Variants in ACBD6 observed in about 807,000 individuals in gnomAD.
ACBD6 encodes acyl-CoA binding domain containing 6, also known as acyl-CoA-binding domain-containing protein 6.
A neutral mutation model predicts 37.2 loss-of-function variants in ACBD6; 28 were observed. The observed-to-expected ratio is 0.75, with a 90% CI of 0.56 to 1.03. The LOEUF is 1.03. ACBD6 is among the 50% of genes least tolerant of loss of function. The probability of loss-of-function intolerance (pLI) is 0.00; values close to 1 mark genes in which losing one functional copy is unlikely to be tolerated. For synonymous variants in ACBD6, 113 were observed against 126.8 expected, an observed-to-expected ratio of 0.89 and a Z score of 0.73; for missense variants, 340 against 337.4, an observed-to-expected ratio of 1.01 and a Z score of -0.06.
At chr1:180,468,177 T>C (rs1650422470) in intron 3 of ACBD6, among the ~76,000 whole-genome samples, 2 of 152,216 alleles carry the variant, frequency 1.3e-5, no homozygotes, top group African/African-American at 4.8e-5. Context: ...AGGAATCATC[T>C]GCCAGTCTTT....
At chr1:180,470,855 A>G (rs1052350208) in intron 3 of ACBD6, among the ~76,000 whole-genome samples, 3 of 152,238 alleles carry the variant, frequency 2.0e-5, no homozygotes, top group Non-Finnish European at 4.4e-5. Context: ...GATTTTTTAA[A>G]GCACATAATT....
At chr1:180,397,265 T>C (rs1488064328) in intron 6 of ACBD6, among the ~76,000 whole-genome samples, 1 of 152,160 alleles carries the variant, frequency 6.6e-6, no homozygotes, top group African/African-American at 2.4e-5. Flanking sequence ...AGCAGATTAG[T>C]GGTTGCCAAG....
intron 4 of ACBD6, among the ~76,000 whole-genome samples, chr1:180,420,432 T>C (rs1648309002): frequency 6.6e-6 from 1 of 152,212 alleles, no homozygotes; most frequent in Admixed American, 6.5e-5. Context: ...ACCTTCATAA[T>C]GTTCTATCAG....
chr1:180,493,281 A>AAAAC (rs1557893866), intron 2 of ACBD6, among the ~76,000 whole-genome samples: 1 of 145,824 alleles, frequency 6.9e-6, no homozygotes, highest in East Asian at 2.1e-4. Context: ...AAAAAAAACA[A>AAAAC]CAACAGCAAC....
intron 6 of ACBD6, among the ~76,000 whole-genome samples, chr1:180,372,691 C>G (rs1383016576): frequency 2.6e-5 from 4 of 152,112 alleles, no homozygotes. Flanking sequence ...CATTTGATAA[C>G]AAGTAGAAGT....
At chr1:180,295,273 T>A (rs1649873600) in intron 7 of ACBD6, among the ~76,000 whole-genome samples, 1 of 22,702 alleles carries the variant, frequency 4.4e-5, no homozygotes, top group Non-Finnish European at 7.6e-4. Context: ...ATCCTGCAAT[T>A]TTTTTTTTTT....
chr1:180,395,306 T>C (rs559875654), intron 6 of ACBD6, among the ~76,000 whole-genome samples: 75 of 152,238 alleles, frequency 4.9e-4, no homozygotes, highest in Middle Eastern at 3.4e-3. Flanking sequence ...AGAAGAGATA[T>C]GTGTGTCTGG....
intron 3 of ACBD6, among the ~76,000 whole-genome samples, chr1:180,483,458 G>A (rs979341889): frequency 4.6e-5 from 7 of 151,840 alleles, no homozygotes; most frequent in African/African-American, 9.7e-5. Context: ...ATCTCTGTCC[G>A]ACTGTAAGCT....
At chr1:180,455,156 G>A (rs1452447898) in intron 3 of ACBD6, among the ~76,000 whole-genome samples, 1 of 152,190 alleles carries the variant, frequency 6.6e-6, no homozygotes, top group African/African-American at 2.4e-5. Context: ...TTAAGAAAAT[G>A]TGGCACATAT....
chr1:180,385,239 C>T (rs964248854), intron 6 of ACBD6, among the ~76,000 whole-genome samples: 1 of 150,996 alleles, frequency 6.6e-6, no homozygotes, highest in Non-Finnish European at 1.5e-5. Context: ...TACTTATAAA[C>T]ACAAAAGAAG....
Position 180,397,518 on chromosome 1 carries a change from G to A in ACBD6, c.661C>T (p.Gln221Ter), listed in dbSNP as rs1654308584. 1.9e-6 allele frequency: 3 copies of A among 1,612,220 alleles called. No homozygotes were observed. Among genetic ancestry groups the A allele is most frequent in the Admixed American group, 1.7e-5 (1 of 59,994 alleles). The part of the protein sequence containing the change: ...LLQHRADINC[Q>*]DNEGQTALHY... ...AAGCTCTTCTTTATCACTCTTACCTGACAGTTAATGTCAGCTCTATGTTGC... is the reference window on the plus strand; with the variant it reads ...AAGCTCTTCTTTATCACTCTTACCTAACAGTTAATGTCAGCTCTATGTTGC... Residue 221 changes from glutamine (Q) to a stop codon, truncating the protein, a stop_gained and splice_region_variant, in exon 6 of 8, where the codon CAG becomes TAG. Coordinates refer to ENST00000367595, the MANE Select transcript of ACBD6 (RefSeq NM_032360.4). LOFTEE classifies it high-confidence loss of function.
intron 6 of ACBD6, among the ~76,000 whole-genome samples, chr1:180,327,494 C>T (rs1651300256): frequency 6.6e-6 from 1 of 152,126 alleles, no homozygotes; most frequent in Non-Finnish European, 1.5e-5. Flanking sequence ...GATTGCTCAT[C>T]TGATTTTTGG....
chr1:180,407,287 C>T (rs73035587), intron 5 of ACBD6, among the ~76,000 whole-genome samples: 2 of 152,120 alleles, frequency 1.3e-5, no homozygotes, highest in East Asian at 1.9e-4. Context: ...TGAAATACAA[C>T]GTTCTGGCAG....
intron 6 of ACBD6, among the ~76,000 whole-genome samples, chr1:180,348,695 C>T (rs1287533678): frequency 1.3e-5 from 2 of 152,096 alleles, no homozygotes; most frequent in Admixed American, 6.5e-5. Flanking sequence ...TGTAAGCCTG[C>T]CCCTCCATTA....
intron 3 of ACBD6, chr1:180,435,842 C>A (rs979156307): frequency 5.1e-5 from 61 of 1,190,228 alleles, no homozygotes; most frequent in Non-Finnish European, 6.8e-5. Flanking sequence ...CACTCAGACC[C>A]TAAAACCAGG....
At chr1:180,304,600 A>G (rs1056616518) in intron 7 of ACBD6, among the ~76,000 whole-genome samples, 2 of 150,816 alleles carry the variant, frequency 1.3e-5, no homozygotes, top group Non-Finnish European at 1.5e-5. Context: ...AAGGAAATAA[A>G]AGAGGATACA....
rs565315728 is a variant in ACBD6, at chr1:180,369,796, T to G, written c.663+27720A>C. 2.6e-5 allele frequency among the ~76,000 whole-genome samples: 4 copies of G among 152,268 alleles called. 1 individual carries two copies. In the East Asian group the frequency reaches 7.7e-4, roughly 29 times the overall value. On this transcript the variant is annotated intron_variant, in intron 6 of 7. Transcript: ENST00000367595. ...CATCAAATTTATCTTTAGAACAAAG[T>G]ATTTAGCATCCACCACTCAAGAATG...
chr1:180,277,483 G>A (rs1020308361), intron 9 of ACBD6: 9 of 152,174 alleles, frequency 5.9e-5, no homozygotes, highest in South Asian at 2.1e-4. Flanking sequence ...TTGAATCCAG[G>A]AGCAAATTAG....
Position 180,413,427 on chromosome 1 carries a change from A to G in ACBD6, c.512T>C (p.Ile171Thr), listed in dbSNP as rs767632431. 1.2e-5 allele frequency: 20 copies of G among 1,613,442 alleles called. No homozygotes were observed. The South Asian group carries it at 2.1e-4, about 17-fold the overall frequency. The change falls in exon 5 of 8, where the codon ATT becomes ACT. Residue 171 changes from isoleucine (I) to threonine (T), a missense_variant. Ile to Thr is a moderately conservative substitution (Grantham distance 89). Coordinates refer to ENST00000367595, the MANE Select transcript of ACBD6 (RefSeq NM_032360.4). ...TTTGATGGCTTTGGTTATATGGTCA[A>G]TGTTGTTTTCCCTGCAGTAATCAAA... ...NIFDYCRENN[I>T]DHITKAIKSK...
Sources: gnomAD v4.1 joint callset for allele counts (sites outside exome capture counted in the v4.1 genomes callset) on GRCh38, gnomAD v4.1.1 for gene constraint, MANE v1.5 for transcripts, NCBI Gene and HGNC (gene_info 2026-07-23, HGNC 2026-07-21) for gene names.